PRR5L: variants seen among roughly 807,000 people sequenced by gnomAD.
The protein encoded by PRR5L is proline rich 5 like, also known as proline-rich protein 5-like.
In PRR5L, 21 loss-of-function variants were observed where a neutral mutation model predicts 36.4. The observed-to-expected ratio is 0.58, with a 90% CI of 0.41 to 0.83. PRR5L has a LOEUF of 0.83. PRR5L is among the 40% of genes least tolerant of loss of function. The pLI, the probability that PRR5L is intolerant of heterozygous loss-of-function variation, is 0.00. For synonymous variants in PRR5L, 188 were observed against 197.0 expected, an observed-to-expected ratio of 0.95 and a Z score of 0.38; for missense variants, 381 against 473.3, an observed-to-expected ratio of 0.80 and a Z score of 1.81.
Position 36,463,638 on chromosome 11 carries a change from A to G in PRR5L, c.*902A>G, listed in dbSNP as rs1411807026. The G allele has an allele frequency of 7.8e-6, 1 of 128,302 alleles. No homozygotes were observed. The highest frequency in any genetic ancestry group is 3.0e-5 in the African/African-American group (1 of 33,006). 7.9% of individuals were successfully genotyped at this position (128,302 alleles called of 1,614,324 possible). A position where few individuals can be genotyped will look rare whatever the true frequency, so the allele number is the denominator to read the frequency against. On this transcript the variant is annotated 3_prime_UTR_variant, in exon 9 of 9. Transcript: ENST00000530639. The stretch of plus-strand genomic sequence containing the variant: ...TTTGACTTGAATTTTTAAAATGTGT[A>G]TCGTTTAAAAAAAAAAATGTTTGCA...
chr11:36,431,156 A>G (rs1858484647), intron 4 of PRR5L, among the ~76,000 whole-genome samples: 1 of 152,212 alleles, frequency 6.6e-6, no homozygotes, highest in Non-Finnish European at 1.5e-5. Flanking sequence ...AGTGGAAAGA[A>G]CATGGCTTAC....
intron 1 of PRR5L, among the ~76,000 whole-genome samples, chr11:36,309,185 T>C (rs1856468673): frequency 6.6e-6 from 1 of 152,200 alleles, no homozygotes; most frequent in Admixed American, 6.5e-5. Context: ...GTTGTTTTGG[T>C]GAGTTTCTTG....
At chr11:36,302,502 T>C (rs1463807865) in intron 1 of PRR5L, among the ~76,000 whole-genome samples, 1 of 152,098 alleles carries the variant, frequency 6.6e-6, no homozygotes, top group Non-Finnish European at 1.5e-5. Flanking sequence ...AGATGCTGGC[T>C]CAGCTGGGTG....
chr11:36,314,201 C>T (rs900925812), intron 1 of PRR5L, among the ~76,000 whole-genome samples: 2 of 152,074 alleles, frequency 1.3e-5, no homozygotes, highest in Admixed American at 6.5e-5. Flanking sequence ...TCAAATGAAT[C>T]GTGTAGTTGA....
chr11:36,363,786 C>T (rs779153414), intron 1 of PRR5L, among the ~76,000 whole-genome samples: 1 of 152,156 alleles, frequency 6.6e-6, no homozygotes, highest in Non-Finnish European at 1.5e-5. Flanking sequence ...AATGGCCCAC[C>T]CCTCCCACAA....
intron 1 of PRR5L, among the ~76,000 whole-genome samples, chr11:36,356,954 C>A (rs552359582): frequency 1.3e-5 from 2 of 152,276 alleles, no homozygotes; most frequent in South Asian, 4.1e-4. Flanking sequence ...GTGAGGAAGG[C>A]ATGTTGAAAG....
At chr11:36,388,142 G>T (rs1857490970) in intron 1 of PRR5L, 1 of 152,236 alleles carries the variant, frequency 6.6e-6, no homozygotes, top group Admixed American at 6.5e-5. Flanking sequence ...AAAAAGAAAA[G>T]AAATTGGTTC....
intron 1 of PRR5L, among the ~76,000 whole-genome samples, chr11:36,373,708 T>C (rs1241491057): frequency 6.7e-6 from 1 of 149,158 alleles, no homozygotes; most frequent in Non-Finnish European, 1.5e-5. Context: ...TTCAATACTT[T>C]TTTATGGCAT....
At chr11:36,405,449 A>G (rs6484845) in intron 3 of PRR5L, among the ~76,000 whole-genome samples, 34,839 of 152,142 alleles carry the variant, frequency 0.23, 5,668 homozygotes, top group African/African-American at 0.47. Flanking sequence ...AACACCAGCC[A>G]TTGCATGCAT....
At chr11:36,445,398 G>A (rs1858807810) in intron 6 of PRR5L, among the ~76,000 whole-genome samples, 1 of 152,196 alleles carries the variant, frequency 6.6e-6, no homozygotes. Flanking sequence ...TACTTTGGGT[G>A]TATTATAGTA....
At chr11:36,414,264 T>C (rs1405375029) in intron 3 of PRR5L, among the ~76,000 whole-genome samples, 1 of 151,042 alleles carries the variant, frequency 6.6e-6, no homozygotes, top group Non-Finnish European at 1.5e-5. Context: ...GTATTTCTAG[T>C]TCTACATCCC....
At chr11:36,431,255 T>C (rs972860322) in intron 4 of PRR5L, among the ~76,000 whole-genome samples, 1 of 152,142 alleles carries the variant, frequency 6.6e-6, no homozygotes, top group African/African-American at 2.4e-5. Context: ...CTTGATAGGA[T>C]TGAATTAAAT....
intron 3 of PRR5L, among the ~76,000 whole-genome samples, chr11:36,417,123 T>C (rs910490202): frequency 6.6e-6 from 1 of 152,180 alleles, no homozygotes; most frequent in African/African-American, 2.4e-5. Context: ...CACAGCGTAT[T>C]ATTTGATCTC....
chr11:36,420,774 G>A (rs1324006415), intron 4 of PRR5L, among the ~76,000 whole-genome samples: 2 of 151,644 alleles, frequency 1.3e-5, no homozygotes, highest in African/African-American at 2.4e-5. Context: ...TTTTCTTTAT[G>A]AGATTCAGGA....
intron 1 of PRR5L, among the ~76,000 whole-genome samples, chr11:36,308,926 G>A (rs1162365666): frequency 6.6e-6 from 1 of 152,150 alleles, no homozygotes; most frequent in East Asian, 1.9e-4. Flanking sequence ...CTGAACTAAG[G>A]CAGAATTGCC....
intron 1 of PRR5L, among the ~76,000 whole-genome samples, chr11:36,368,707 A>G (rs1040327355): frequency 6.6e-6 from 1 of 152,260 alleles, no homozygotes; most frequent in Non-Finnish European, 1.5e-5. Flanking sequence ...TCTTCTATTA[A>G]GCCAGGCATT....
intron 1 of PRR5L, among the ~76,000 whole-genome samples, chr11:36,337,175 A>G (rs1856776712): frequency 6.6e-6 from 1 of 152,182 alleles, no homozygotes; most frequent in Non-Finnish European, 1.5e-5. Flanking sequence ...CCCATGGGTC[A>G]TCCCCCCAAA....
At chr11:36,336,079 T>C (rs1027947063) in intron 1 of PRR5L, among the ~76,000 whole-genome samples, 1 of 152,098 alleles carries the variant, frequency 6.6e-6, no homozygotes, top group East Asian at 1.9e-4. Flanking sequence ...TTCCCATGGG[T>C]ACTTAGTGAG....
At chr11:36,327,555 T>A (rs1264787306) in intron 1 of PRR5L, among the ~76,000 whole-genome samples, 3 of 152,238 alleles carry the variant, frequency 2.0e-5, no homozygotes, top group Non-Finnish European at 4.4e-5. Context: ...ATTTACATTC[T>A]CCAGAGAATC....
Sources: gnomAD v4.1 joint callset for allele counts (sites outside exome capture counted in the v4.1 genomes callset) on GRCh38, gnomAD v4.1.1 for gene constraint, MANE v1.5 for transcripts, NCBI Gene and HGNC (gene_info 2026-07-23, HGNC 2026-07-21) for gene names.